The following B4GALNT3 variants were observed in gnomAD, a reference collection of about 807,000 sequenced individuals.
B4GALNT3 encodes beta-1,4-N-acetylgalactosaminyltransferase 3.
Under a neutral mutation model 120.2 loss-of-function variants are expected in B4GALNT3, and 86 were observed. The ratio of observed to expected loss-of-function variants is 0.72; its 90% CI spans 0.60 to 0.86. The LOEUF is 0.86. Among genes scored for constraint, B4GALNT3 ranks in the 40% least tolerant of loss-of-function variants. The pLI is 0.00. For missense variants in B4GALNT3, 1,167 were observed against 1,298.9 expected, an observed-to-expected ratio of 0.90 and a Z score of 1.56; for synonymous variants, 518 against 510.4, an observed-to-expected ratio of 1.01 and a Z score of -0.20.
chr12:543,295 C>A, intron 3 of B4GALNT3: 1 of 1,056,238 alleles, frequency 9.5e-7, no homozygotes, highest in South Asian at 1.3e-5. Context: ...CCCTTTCTGC[C>A]CAGCCTCCCG....
chr12:548,830 G>A lies in B4GALNT3; in HGVS notation c.853+533G>A, dbSNP rs763060601. On this transcript the variant is annotated intron_variant, in intron 9 of 19. Transcript: ENST00000266383. This position sits in a 1 kb window ranked among gnomAD's most constrained non-coding sequence, Gnocchi z 4.9. ...AAGGATCGCTTGAGCCCAGGAGTTC[G>A]AAGCTGAAGCTACAGTGAGCTGTAA... 1.5e-4 allele frequency among the ~76,000 whole-genome samples: 23 copies of A among 152,170 alleles called. No individual in the cohort carries two copies. The highest frequency in any genetic ancestry group is 6.5e-4 in the Admixed American group (10 of 15,276).
At chr12:483,222 C>A (rs1314412713) in intron 1 of B4GALNT3, among the ~76,000 whole-genome samples, 1 of 152,136 alleles carries the variant, frequency 6.6e-6, no homozygotes, top group Non-Finnish European at 1.5e-5. Context: ...AGGTGTTATT[C>A]TTTAAACCAT....
At chr12:537,277 GTCA>G (rs1216810904) in intron 3 of B4GALNT3, among the ~76,000 whole-genome samples, 1 of 152,160 alleles carries the variant, frequency 6.6e-6, no homozygotes, top group East Asian at 1.9e-4. Flanking sequence ...TAGATTGTGT[GTCA>G]TCTTTTGGTT....
At chr12:483,713 G>T (rs1946263299) in intron 1 of B4GALNT3, among the ~76,000 whole-genome samples, 1 of 152,164 alleles carries the variant, frequency 6.6e-6, no homozygotes, top group African/African-American at 2.4e-5. Flanking sequence ...ATAAATAGTA[G>T]CCCAGTTATG....
intron 1 of B4GALNT3, among the ~76,000 whole-genome samples, chr12:492,812 A>G (rs1196115207): frequency 6.6e-6 from 1 of 152,202 alleles, no homozygotes; most frequent in Non-Finnish European, 1.5e-5. Context: ...AGACCCATAT[A>G]AATTATATTC....
chr12:512,944 C>CTTCCACT (rs1565599060), intron 1 of B4GALNT3, among the ~76,000 whole-genome samples: 3 of 131,234 alleles, frequency 2.3e-5, no homozygotes, highest in African/African-American at 5.5e-5. Flanking sequence ...CACCTTCCAC[C>CTTCCACT]TTCTTCCACC....
intron 1 of B4GALNT3, among the ~76,000 whole-genome samples, chr12:468,938 G>A (rs1435294340): frequency 1.3e-5 from 2 of 152,200 alleles, no homozygotes; most frequent in African/African-American, 2.4e-5. Flanking sequence ...GGTGGGAGTG[G>A]AAATAGAGAA....
Position 522,155 on chromosome 12 carries a change from TA to T in B4GALNT3, c.170-13004del, listed in dbSNP as rs1194454761. 6.6e-5 allele frequency among the ~76,000 whole-genome samples: 10 copies of T among 152,130 alleles called. No homozygotes were observed. The East Asian group carries it at 1.7e-3, about 26-fold the overall frequency. ...CAGCACCTGCTCCTTGTGTGCAGTT[TA>T]AAAAAATGTGCCTTCCAAGAGCATG... On this transcript the variant is annotated intron_variant, in intron 1 of 19. Transcript: ENST00000266383.
intron 1 of B4GALNT3, among the ~76,000 whole-genome samples, chr12:512,070 A>C (rs111219740): frequency 9.7e-4 from 48 of 49,252 alleles, no homozygotes; most frequent in South Asian, 1.3e-3. Flanking sequence ...TTCCACCTTC[A>C]ACCTTCCACC....
intron 1 of B4GALNT3, among the ~76,000 whole-genome samples, chr12:530,432 C>A (rs2058347): frequency 1.3e-5 from 2 of 152,234 alleles, no homozygotes; most frequent in South Asian, 2.1e-4. Flanking sequence ...ATCTGTAACA[C>A]CAATGCCAGC....
rs1453386486 is a variant in B4GALNT3, at chr12:563,002, A to G, written c.*1551A>G. 3 of 152,252 alleles carry G rather than the reference A, an allele frequency of 2.0e-5. No homozygotes were observed. The highest frequency in any genetic ancestry group is 4.4e-5 in the Non-Finnish European group (3 of 68,080). 9.4% of individuals were successfully genotyped at this position (152,252 alleles called of 1,614,324 possible). A position where few individuals can be genotyped will look rare whatever the true frequency, so the allele number is the denominator to read the frequency against. Reference sequence around the variant, plus strand: ...GAGCACGAGTTTGGCACATGGGAGAATGGAGCCCGTGGAGAACCTTCTGGG... The same window carrying G: ...GAGCACGAGTTTGGCACATGGGAGAGTGGAGCCCGTGGAGAACCTTCTGGG... On this transcript the variant is annotated 3_prime_UTR_variant, in exon 20 of 20. Coordinates refer to ENST00000266383, the MANE Select transcript of B4GALNT3 (RefSeq NM_173593.4).
Position 511,665 on chromosome 12 carries a change from A to ACCTTCCG in B4GALNT3, c.170-23487_170-23481dup, listed in dbSNP as rs1387888190. 7.9e-3 allele frequency among the ~76,000 whole-genome samples: 86 copies of ACCTTCCG among 10,822 alleles called. 1 individual carries two copies. The highest frequency in any genetic ancestry group is 0.03 in the African/African-American group (82 of 2,746). 7.1% of individuals were successfully genotyped at this position (10,822 alleles called of 152,430 possible). On this transcript the variant is annotated intron_variant, in intron 1 of 19. Transcript: ENST00000266383. Reference sequence around the variant, plus strand: ...CACCTTCTTCCACCTTCGAGCTTCCACCTTCCGCCTTCCGCCTTCCACCTT... The same window carrying ACCTTCCG: ...CACCTTCTTCCACCTTCGAGCTTCCACCTTCCGCCTTCCGCCTTCCGCCTTCCACCTT...
At chr12:547,636 C>G (rs1200000299) in intron 7 of B4GALNT3, among the ~76,000 whole-genome samples, 1 of 152,182 alleles carries the variant, frequency 6.6e-6, no homozygotes. Flanking sequence ...ACCTCCACCC[C>G]TCATCACTCT....
At position 481,442 on chromosome 12, in the gene B4GALNT3, A is replaced by T. The variant is rs1320869071; in HGVS notation, c.169+20897A>T. Among the ~76,000 whole-genome samples, 3 of 152,232 alleles carry T rather than the reference A, an allele frequency of 2.0e-5. No homozygotes were observed. The East Asian group carries it at 5.8e-4, about 29-fold the overall frequency. On this transcript the variant is annotated intron_variant, in intron 1 of 19. Transcript: ENST00000266383. ...AAAACCAGAAGCAAATCAGGAGTCCAGCTGCCCACATCCAGTCACTCTTGA... is the reference window on the plus strand; with the variant it reads ...AAAACCAGAAGCAAATCAGGAGTCCTGCTGCCCACATCCAGTCACTCTTGA...
chr12:561,323 C>T lies in B4GALNT3; in HGVS notation c.2889-20C>T. ...GCCTTCTGTGCTTCTGTTGGCTCAT[C>T]TGTGTTTCTCCTCCTCCAGGATACT... is the stretch of plus-strand genomic sequence containing the variant. On this transcript the variant is annotated intron_variant, in intron 19 of 19. Transcript: ENST00000266383. 1 of 1,595,720 alleles carries T rather than the reference C, an allele frequency of 6.3e-7. No homozygotes were observed. The highest frequency in any genetic ancestry group is 8.6e-7 in the Non-Finnish European group (1 of 1,163,814).
intron 7 of B4GALNT3, 72 bp from the exon 8 acceptor site, chr12:547,952 G>T (rs922475777): frequency 3.1e-6 from 4 of 1,293,820 alleles, no homozygotes; most frequent in East Asian, 4.7e-5. Context: ...GTGCTGGAAG[G>T]GGGTGGGACA....
At position 555,919 on chromosome 12, in the gene B4GALNT3, A is replaced by G. The variant is rs986481880; in HGVS notation, c.2061-628A>G. On this transcript the variant is annotated intron_variant, in intron 14 of 19. Coordinates refer to ENST00000266383, the MANE Select transcript of B4GALNT3 (RefSeq NM_173593.4). ...CTGCCTCAGCCTCCTGAGTAGCTGGAACTACAGGTGCCCACCACCACACCT... is the reference window on the plus strand; with the variant it reads ...CTGCCTCAGCCTCCTGAGTAGCTGGGACTACAGGTGCCCACCACCACACCT... Among the ~76,000 whole-genome samples, 338 of 151,852 alleles carry G rather than the reference A, an allele frequency of 2.2e-3. 3 individuals are homozygous for G. The highest frequency in any genetic ancestry group is 7.7e-3 in the African/African-American group (320 of 41,334).
chr12:504,300 A>G (rs953842569), intron 1 of B4GALNT3, among the ~76,000 whole-genome samples: 15 of 143,492 alleles, frequency 1.0e-4, no homozygotes, highest in African/African-American at 4.1e-4. Context: ...CAAAAACAAA[A>G]ACACAATTTT....
In B4GALNT3 at chr12:555,983, C is replaced by T. The variant is rs1180872108; in HGVS notation, c.2061-564C>T. The stretch of plus-strand genomic sequence containing the variant: ...TATTTTTAGTAGAGACAGGGTTTCA[C>T]CATATTAGCCAGGCTGGTCTTGATC... On this transcript the variant is annotated intron_variant, in intron 14 of 19. Coordinates refer to ENST00000266383, the MANE Select transcript of B4GALNT3 (RefSeq NM_173593.4). 1.1e-4 allele frequency among the ~76,000 whole-genome samples: 16 copies of T among 151,540 alleles called. No individual in the cohort carries two copies. The East Asian group carries it at 2.9e-3, about 28-fold the overall frequency.
Sources: gnomAD v4.1 joint callset for allele counts (sites outside exome capture counted in the v4.1 genomes callset) on GRCh38, gnomAD v4.1.1 for gene constraint, Gnocchi (gnomAD v3.1) non-coding constraint, MANE v1.5 for transcripts, NCBI Gene and HGNC (gene_info 2026-07-23, HGNC 2026-07-21) for gene names.